The following PTTG1IP2 variants were observed in gnomAD, a reference collection of about 807,000 sequenced individuals.
PTTG1IP2 encodes PTTG1IP family member 2.
intron 6 of PTTG1IP2, among the ~76,000 whole-genome samples, chr7:90,499,706 C>T (rs1015484820): frequency 2.9e-4 from 44 of 151,990 alleles, no homozygotes; most frequent in African/African-American, 9.9e-4. Flanking sequence ...GCCTCAGGCT[C>T]CAGAGTAGCT....
intron 1 of PTTG1IP2, among the ~76,000 whole-genome samples, chr7:90,472,117 A>T (rs1797695464): frequency 6.6e-6 from 1 of 152,122 alleles, no homozygotes. Flanking sequence ...AAAAAATCTC[A>T]AGGATCATGG....
intron 6 of PTTG1IP2, among the ~76,000 whole-genome samples, chr7:90,501,826 T>A (rs991792795): frequency 1.3e-5 from 2 of 152,204 alleles, no homozygotes; most frequent in Non-Finnish European, 2.9e-5. Context: ...GCTGTGGCAA[T>A]GAGGTTTGCC....
At chr7:90,472,389 G>A (rs988029755) in intron 1 of PTTG1IP2, among the ~76,000 whole-genome samples, 26 of 151,896 alleles carry the variant, frequency 1.7e-4, no homozygotes, top group Admixed American at 1.6e-3. Context: ...AGTGCTTTGA[G>A]CTAGAGAACA....
At chr7:90,510,269 A>G (rs1186527845) in intron 6 of PTTG1IP2, among the ~76,000 whole-genome samples, 1 of 152,202 alleles carries the variant, frequency 6.6e-6, no homozygotes, top group Non-Finnish European at 1.5e-5. Context: ...TTTATCACAC[A>G]TATTTACATA....
chr7:90,480,142 C>T (rs1167193125), intron 2 of PTTG1IP2, among the ~76,000 whole-genome samples: 1 of 152,162 alleles, frequency 6.6e-6, no homozygotes, highest in African/African-American at 2.4e-5. Flanking sequence ...TTCCTCAACC[C>T]TGCCTTCCTC....
At chr7:90,481,405 A>G (rs1797814266) in intron 2 of PTTG1IP2, among the ~76,000 whole-genome samples, 1 of 152,190 alleles carries the variant, frequency 6.6e-6, no homozygotes, top group Non-Finnish European at 1.5e-5. Flanking sequence ...CAACATCTGC[A>G]TGAATACAGC....
intron 3 of PTTG1IP2, among the ~76,000 whole-genome samples, chr7:90,487,808 T>A (rs1022526081): frequency 3.3e-5 from 5 of 152,202 alleles, no homozygotes; most frequent in East Asian, 1.9e-4. Flanking sequence ...GTGTATGATA[T>A]CCATAACCCA....
chr7:90,473,820 G>A (rs1262520595), intron 1 of PTTG1IP2, among the ~76,000 whole-genome samples: 1 of 152,152 alleles, frequency 6.6e-6, no homozygotes, highest in African/African-American at 2.4e-5. Flanking sequence ...TCACCTCCCA[G>A]CTCTGTTGCT....
chr7:90,471,189 T>C (rs574720720), intron 1 of PTTG1IP2, among the ~76,000 whole-genome samples: 1 of 152,276 alleles, frequency 6.6e-6, no homozygotes, highest in South Asian at 2.1e-4. Context: ...GCATTTAATC[T>C]TCCCATCTAA....
chr7:90,498,347 G>T (rs1251783611), intron 6 of PTTG1IP2, among the ~76,000 whole-genome samples: 1 of 152,146 alleles, frequency 6.6e-6, no homozygotes, highest in Non-Finnish European at 1.5e-5. Flanking sequence ...ATGTAAATAG[G>T]TTAAATTCTC....
At chr7:90,489,855 T>C (rs143859977) in intron 4 of PTTG1IP2, among the ~76,000 whole-genome samples, 29 of 152,128 alleles carry the variant, frequency 1.9e-4, no homozygotes, top group African/African-American at 5.3e-4. Context: ...CACAAAATCA[T>C]GCTACATTTC....
chr7:90,500,387 G>A (rs759484962), intron 6 of PTTG1IP2, among the ~76,000 whole-genome samples: 20 of 152,180 alleles, frequency 1.3e-4, no homozygotes, highest in Non-Finnish European at 1.6e-4. Context: ...GGAATGTGAG[G>A]AAACAAGACA....
At chr7:90,481,724 T>C (rs1220482858) in intron 2 of PTTG1IP2, among the ~76,000 whole-genome samples, 1 of 152,186 alleles carries the variant, frequency 6.6e-6, no homozygotes, top group Non-Finnish European at 1.5e-5. Flanking sequence ...TTTTGAATTG[T>C]AACTCGTATC....
intron 6 of PTTG1IP2, among the ~76,000 whole-genome samples, chr7:90,507,615 T>A (rs1262575909): frequency 6.6e-6 from 1 of 152,150 alleles, no homozygotes; most frequent in Non-Finnish European, 1.5e-5. Flanking sequence ...AGGAGCTCAA[T>A]CTCAGGGCCA....
intron 6 of PTTG1IP2, among the ~76,000 whole-genome samples, chr7:90,510,809 T>C (rs1798181013): frequency 6.6e-6 from 1 of 152,234 alleles, no homozygotes; most frequent in South Asian, 2.1e-4. Flanking sequence ...CACTGTTCTA[T>C]GTAAATAACT....
At chr7:90,497,538 T>C (rs1277982618) in intron 6 of PTTG1IP2, among the ~76,000 whole-genome samples, 2 of 122,702 alleles carry the variant, frequency 1.6e-5, no homozygotes, top group Non-Finnish European at 3.2e-5. Context: ...CACTCCAGCC[T>C]GGGCGACAGA....
chr7:90,496,695 A>G (rs910480808), intron 6 of PTTG1IP2, among the ~76,000 whole-genome samples: 1 of 151,644 alleles, frequency 6.6e-6, no homozygotes, highest in Non-Finnish European at 1.5e-5. Context: ...TGTCTATCTT[A>G]TTTCTGCCCT....
chr7:90,485,928 G>A (rs548764063), intron 2 of PTTG1IP2, among the ~76,000 whole-genome samples: 74 of 152,326 alleles, frequency 4.9e-4, no homozygotes, highest in African/African-American at 1.7e-3. Context: ...TGTAATCTTT[G>A]AATCTAGACT....
chr7:90,478,781 T>A (rs1797781267), intron 1 of PTTG1IP2, among the ~76,000 whole-genome samples: 2 of 152,156 alleles, frequency 1.3e-5, no homozygotes, highest in Admixed American at 6.5e-5. Context: ...AAATCCTCAT[T>A]TGGGAAAAGT....
Sources: allele counts gnomAD v4.1 joint callset (sites outside exome capture counted in the v4.1 genomes callset), GRCh38; gene constraint gnomAD v4.1.1; transcripts MANE v1.5; gene names NCBI Gene and HGNC (gene_info 2026-07-23, HGNC 2026-07-21).